The following KIAA1217 variants were observed in gnomAD, a reference collection of about 807,000 sequenced individuals.
KIAA1217 encodes the protein sickle tail protein homolog.
In KIAA1217, 88 loss-of-function variants were observed where a neutral mutation model predicts 163.9. The ratio of observed to expected loss-of-function variants is 0.54; its 90% CI spans 0.45 to 0.64. The LOEUF (loss-of-function observed/expected upper bound fraction) is 0.64, where lower values mean the gene tolerates loss of function less well. KIAA1217 is among the 30% of genes least tolerant of loss of function. The pLI is 0.00. For missense variants in KIAA1217, 2,372 were observed against 2,475.0 expected, an observed-to-expected ratio of 0.96 and a Z score of 0.88; for synonymous variants, 903 against 923.1, an observed-to-expected ratio of 0.98 and a Z score of 0.39.
chr10:23,946,681 A>G (rs1844063387), intron 1 of KIAA1217, among the ~76,000 whole-genome samples: 1 of 152,182 alleles, frequency 6.6e-6, no homozygotes, highest in African/African-American at 2.4e-5. Context: ...TTATCATCAC[A>G]TAACAGCCTA....
At chr10:24,056,755 G>A (rs1030639632) in intron 2 of KIAA1217, among the ~76,000 whole-genome samples, 2 of 152,060 alleles carry the variant, frequency 1.3e-5, no homozygotes, top group African/African-American at 2.4e-5. Context: ...AAAGAACCCC[G>A]CTGAATCTGA....
intron 2 of KIAA1217, among the ~76,000 whole-genome samples, chr10:24,022,279 T>C (rs1847767111): frequency 6.6e-6 from 1 of 151,500 alleles, no homozygotes; most frequent in South Asian, 2.1e-4. Flanking sequence ...CACAACTCAA[T>C]TTAAAAGTAA....
chr10:24,003,313 C>T (rs922532788), intron 1 of KIAA1217, among the ~76,000 whole-genome samples: 1 of 152,156 alleles, frequency 6.6e-6, no homozygotes, highest in Non-Finnish European at 1.5e-5. Context: ...TCCACGCCAA[C>T]ATCTATTATT....
intron 8 of KIAA1217, among the ~76,000 whole-genome samples, chr10:24,497,397 C>T (rs925190350): frequency 8.5e-5 from 13 of 152,050 alleles, no homozygotes; most frequent in African/African-American, 2.4e-4. Context: ...AACAGAAGCT[C>T]AGGGAGGTTA....
At chr10:23,735,056 A>T (rs563001573) in intron 1 of KIAA1217, among the ~76,000 whole-genome samples, 13 of 151,960 alleles carry the variant, frequency 8.6e-5, no homozygotes, top group South Asian at 4.1e-4. Flanking sequence ...ATTTGAGTTT[A>T]AAAAAAATCG....
chr10:24,491,672 C>G (rs2066169255), intron 6 of KIAA1217, among the ~76,000 whole-genome samples: 1 of 152,166 alleles, frequency 6.6e-6, no homozygotes, highest in South Asian at 2.1e-4. Context: ...AGAAAGAAGG[C>G]TGGTCTAGCC....
chr10:23,830,565 C>G (rs768104696), intron 1 of KIAA1217, among the ~76,000 whole-genome samples: 5 of 151,924 alleles, frequency 3.3e-5, no homozygotes, highest in Non-Finnish European at 5.9e-5. Flanking sequence ...ACACAGTTTC[C>G]TCCCTTGCAG....
intron 1 of KIAA1217, among the ~76,000 whole-genome samples, chr10:23,969,288 G>A (rs1210776364): frequency 3.9e-5 from 6 of 152,264 alleles, no homozygotes; most frequent in African/African-American, 7.2e-5. Context: ...CACCTGCCTC[G>A]CCTCCCCAAG....
intron 5 of KIAA1217, among the ~76,000 whole-genome samples, chr10:24,459,802 G>A (rs1228635141): frequency 6.6e-6 from 1 of 152,132 alleles, no homozygotes; most frequent in Non-Finnish European, 1.5e-5. Flanking sequence ...ATGGTAGTGT[G>A]CACCTATAAT....
intron 1 of KIAA1217, among the ~76,000 whole-genome samples, chr10:23,927,736 T>G (rs1207440758): frequency 2.6e-5 from 4 of 152,178 alleles, no homozygotes; most frequent in Non-Finnish European, 5.9e-5. Context: ...TCACCTGGTT[T>G]CCGTGTTGGG....
intron 2 of KIAA1217, among the ~76,000 whole-genome samples, chr10:24,176,065 A>G (rs184646261): frequency 2.0e-5 from 3 of 152,318 alleles, no homozygotes; most frequent in African/African-American, 4.8e-5. Flanking sequence ...CCCCACCCAC[A>G]TGCTCCTGAT....
chr10:23,986,230 T>C (rs1333818046), intron 1 of KIAA1217, among the ~76,000 whole-genome samples: 1 of 152,194 alleles, frequency 6.6e-6, no homozygotes. Context: ...TTCAGGTCCC[T>C]TCTAGTAAGA....
chr10:24,168,430 A>G (rs1042333613), intron 2 of KIAA1217, among the ~76,000 whole-genome samples: 1 of 152,202 alleles, frequency 6.6e-6, no homozygotes, highest in Non-Finnish European at 1.5e-5. Flanking sequence ...CCTCTGTCCA[A>G]AGAAAACTCT....
intron 2 of KIAA1217, among the ~76,000 whole-genome samples, chr10:24,196,382 C>T (rs2066991873): frequency 6.6e-6 from 1 of 152,152 alleles, no homozygotes; most frequent in Non-Finnish European, 1.5e-5. Context: ...GGAAATTTTC[C>T]TGATTTCTGT....
intron 3 of KIAA1217, among the ~76,000 whole-genome samples, chr10:24,419,022 CA>C (rs1270375099): frequency 1.3e-5 from 2 of 151,736 alleles, no homozygotes; most frequent in Non-Finnish European, 2.9e-5. Flanking sequence ...ACTAAAAATA[CA>C]AAAATTAGCT....
At chr10:24,417,646 G>A (rs905234514) in intron 3 of KIAA1217, among the ~76,000 whole-genome samples, 3 of 152,156 alleles carry the variant, frequency 2.0e-5, no homozygotes, top group Admixed American at 6.5e-5. Context: ...AGAGGAAGGA[G>A]ACCATGGTGT....
At chr10:23,816,249 G>A in intron 1 of KIAA1217, among the ~76,000 whole-genome samples, 1 of 152,182 alleles carries the variant, frequency 6.6e-6, no homozygotes, top group African/African-American at 2.4e-5. Context: ...ATCCTTAGGG[G>A]AAGTAGTTTC....
At chr10:24,388,991 G>A in intron 3 of KIAA1217, among the ~76,000 whole-genome samples, 1 of 152,038 alleles carries the variant, frequency 6.6e-6, no homozygotes, top group Non-Finnish European at 1.5e-5. Context: ...GTGGAAGACA[G>A]TGTGGTGATT....
At chr10:24,440,261 C>T (rs2060381071) in intron 5 of KIAA1217, among the ~76,000 whole-genome samples, 1 of 152,184 alleles carries the variant, frequency 6.6e-6, no homozygotes, top group African/African-American at 2.4e-5. Context: ...TGAGTCATGC[C>T]AATCGTGAAG....
Sources: gnomAD v4.1 joint callset for allele counts (sites outside exome capture counted in the v4.1 genomes callset) on GRCh38, gnomAD v4.1.1 for gene constraint, MANE v1.5 for transcripts, NCBI Gene and HGNC (gene_info 2026-07-23, HGNC 2026-07-21) for gene names.